The following ERG variants were observed in gnomAD, a reference collection of about 807,000 sequenced individuals.
ERG encodes the protein transcriptional regulator ERG.
Under a neutral mutation model 55.3 loss-of-function variants are expected in ERG, and 9 were observed. The observed-to-expected ratio is 0.16, with a 90% CI of 0.10 to 0.28. The LOEUF is 0.28. Ranked by LOEUF, ERG falls within the 10% of genes least tolerant of loss-of-function variation. The pLI, the probability that ERG is intolerant of heterozygous loss-of-function variation, is 1.00. For missense variants in ERG, 434 were observed against 631.6 expected, an observed-to-expected ratio of 0.69 and a Z score of 3.35; for synonymous variants, 223 against 237.3, an observed-to-expected ratio of 0.94 and a Z score of 0.55.
chr21:38,627,459 T>G (rs761100052), intron 1 of ERG, among the ~76,000 whole-genome samples: 30 of 151,588 alleles, frequency 2.0e-4, no homozygotes, highest in Admixed American at 5.9e-4. Context: ...ACAATGAAAA[T>G]AAATCAACAA....
At chr21:38,422,429 T>G (rs1302515359) in intron 3 of ERG, among the ~76,000 whole-genome samples, 3 of 152,260 alleles carry the variant, frequency 2.0e-5, no homozygotes, top group Non-Finnish European at 4.4e-5. Context: ...CTAATGCCCT[T>G]GGAAAAGTTG....
chr21:38,582,362 C>G (rs1239252009), intron 1 of ERG, among the ~76,000 whole-genome samples: 1 of 152,188 alleles, frequency 6.6e-6, no homozygotes, highest in Non-Finnish European at 1.5e-5. Context: ...TAGTCAGTGT[C>G]AGAACTGAAT....
intron 2 of ERG, among the ~76,000 whole-genome samples, chr21:38,535,912 A>AT (rs996768099): frequency 2.0e-5 from 3 of 152,182 alleles, no homozygotes; most frequent in Non-Finnish European, 2.9e-5. Flanking sequence ...TTTTCAACCA[A>AT]TAAGAAAACA....
At chr21:38,473,499 A>G (rs1405641029) in intron 1 of ERG, among the ~76,000 whole-genome samples, 4 of 152,074 alleles carry the variant, frequency 2.6e-5, no homozygotes, top group Admixed American at 2.6e-4. Flanking sequence ...TTTAGATACC[A>G]GAGAGTGGTG....
At chr21:38,428,921 AG>A (rs1165205583) in intron 2 of ERG, among the ~76,000 whole-genome samples, 1 of 152,160 alleles carries the variant, frequency 6.6e-6, no homozygotes, top group Non-Finnish European at 1.5e-5. Context: ...TTGGGGGAAC[AG>A]GTGGTGTCTG....
intron 2 of ERG, among the ~76,000 whole-genome samples, chr21:38,440,963 G>A (rs957988494): frequency 2.6e-5 from 4 of 152,204 alleles, no homozygotes; most frequent in South Asian, 2.1e-4. Flanking sequence ...CAGGAAGCCC[G>A]TTGGATTGTT....
At chr21:38,525,178 CTAACAGGA>C (rs1043102436) in intron 2 of ERG, among the ~76,000 whole-genome samples, 2 of 152,044 alleles carry the variant, frequency 1.3e-5, no homozygotes, top group Non-Finnish European at 2.9e-5. Context: ...CAGAGTCAAC[CTAACAGGA>C]TTCTCAAGCC....
chr21:38,500,723 T>C (rs565431548), upstream of ERG, among the ~76,000 whole-genome samples: 3 of 152,314 alleles, frequency 2.0e-5, no homozygotes, highest in South Asian at 2.1e-4. Flanking sequence ...AATTTATTTA[T>C]TGGATACTAA....
intron 3 of ERG, among the ~76,000 whole-genome samples, chr21:38,412,494 G>A (rs1487888806): frequency 6.6e-6 from 1 of 151,970 alleles, no homozygotes; most frequent in Non-Finnish European, 1.5e-5. Context: ...TCCCTACTTA[G>A]GGAGGCTGTG....
At chr21:38,592,571 C>CTCTGTGTGTGTGTG (rs1555871066) in intron 1 of ERG, among the ~76,000 whole-genome samples, 4 of 147,996 alleles carry the variant, frequency 2.7e-5, no homozygotes, top group African/African-American at 1.0e-4. Context: ...TCTCCCTTCA[C>CTCTGTGTGTGTGTG]TGTGTGTGTG....
intron 2 of ERG, among the ~76,000 whole-genome samples, chr21:38,521,205 G>A (rs540904147): frequency 6.6e-6 from 1 of 152,222 alleles, no homozygotes; most frequent in East Asian, 1.9e-4. Context: ...CAGCCACACA[G>A]TTCCCTTCAT....
At position 38,473,755 on chromosome 21, in the gene ERG, AGT is replaced by A. The variant is rs372111132; in HGVS notation, c.18+24606_18+24607del. Among the ~76,000 whole-genome samples, 69 of 151,920 alleles carry A rather than the reference AGT, an allele frequency of 4.5e-4. 3 individuals are homozygous for A. The South Asian group carries it at 0.011, about 24-fold the overall frequency. On this transcript the variant is annotated intron_variant, in intron 1 of 9. Coordinates refer to ENST00000288319, the MANE Select transcript of ERG (RefSeq NM_182918.4). ...GTTCACTTAAGTTTTATCTATATAA[AGT>A]GTGTGATTTTGGATCTAAACAGGCA...
downstream of ERG, among the ~76,000 whole-genome samples, chr21:38,375,494 G>A (rs1252400854): frequency 6.6e-6 from 1 of 152,152 alleles, no homozygotes; most frequent in African/African-American, 2.4e-5. Flanking sequence ...TTAAGTAAAT[G>A]AGAGCAGACA....
chr21:38,594,090 C>T (rs1273163893), intron 1 of ERG, among the ~76,000 whole-genome samples: 2 of 152,118 alleles, frequency 1.3e-5, no homozygotes, highest in African/African-American at 4.8e-5. Context: ...GAACCTTGAA[C>T]TCATCATGAA....
In ERG at chr21:38,493,238, C is replaced by A. The variant is rs553764864; in HGVS notation, c.18+5125G>T. Among the ~76,000 whole-genome samples, 16 of 152,304 alleles carry A rather than the reference C, an allele frequency of 1.1e-4. No homozygotes were observed. In the East Asian group the frequency reaches 2.9e-3, roughly 28 times the overall value. Reference sequence around the variant, plus strand: ...ATGAGTGAAACATCGCAAGCAGCATCACTTTATACACTAGGATATTGGTTA... The same window carrying A: ...ATGAGTGAAACATCGCAAGCAGCATAACTTTATACACTAGGATATTGGTTA... On this transcript the variant is annotated intron_variant, in intron 1 of 9. Coordinates refer to ENST00000288319, the MANE Select transcript of ERG (RefSeq NM_182918.4).
intron 2 of ERG, among the ~76,000 whole-genome samples, chr21:38,573,405 C>T (rs983694487): frequency 2.6e-5 from 4 of 152,182 alleles, no homozygotes; most frequent in Non-Finnish European, 5.9e-5. Flanking sequence ...CTGAATGTCT[C>T]AGTATAAAAC....
chr21:38,655,346 C>A (rs1185776495), intron 1 of ERG, among the ~76,000 whole-genome samples: 1 of 152,144 alleles, frequency 6.6e-6, no homozygotes, highest in East Asian at 1.9e-4. Flanking sequence ...AGAGGTGGGT[C>A]CAGGGAGGTA....
intron 3 of ERG, 40 bp from the exon 4 acceptor site, chr21:38,403,749 C>T (rs374761811): frequency 1.6e-5 from 26 of 1,587,556 alleles, no homozygotes; most frequent in Non-Finnish European, 2.2e-5. Flanking sequence ...TTCCTGAAGC[C>T]AGGGATCTTC....
At chr21:38,600,490 T>C (rs1298064710) in intron 1 of ERG, among the ~76,000 whole-genome samples, 3 of 152,126 alleles carry the variant, frequency 2.0e-5, no homozygotes, top group African/African-American at 4.8e-5. Context: ...CAGAGTGCAA[T>C]GAAGGGGCCC....
Sources: gnomAD v4.1 joint callset for allele counts (sites outside exome capture counted in the v4.1 genomes callset) on GRCh38, gnomAD v4.1.1 for gene constraint, MANE v1.5 for transcripts, NCBI Gene and HGNC (gene_info 2026-07-23, HGNC 2026-07-21) for gene names.